EYA1: variants seen among roughly 807,000 people sequenced by gnomAD.
The protein encoded by EYA1 is EYA transcriptional coactivator and phosphatase 1, also known as protein phosphatase EYA1.
A neutral mutation model predicts 82.0 loss-of-function variants in EYA1; 16 were observed. That is an observed-to-expected ratio of 0.20 (90% CI 0.13 to 0.30). The LOEUF (loss-of-function observed/expected upper bound fraction) is 0.30, where lower values mean the gene tolerates loss of function less well. Among genes scored for constraint, EYA1 ranks in the 10% least tolerant of loss-of-function variants. EYA1 has a pLI of 1.00. For missense variants in EYA1, 633 were observed against 730.7 expected (o/e 0.87, Z 1.54); for synonymous variants, 261 against 264.4 (o/e 0.99, Z 0.12).
At chr8:71,451,152 A>G (rs1339022821) in intron 2 of EYA1, among the ~76,000 whole-genome samples, 1 of 152,232 alleles carries the variant, frequency 6.6e-6, no homozygotes, top group African/African-American at 2.4e-5. Context: ...ATTGTCCTGG[A>G]AAATGATTTG....
intron 2 of EYA1, among the ~76,000 whole-genome samples, chr8:71,392,437 G>T (rs1829332805): frequency 6.6e-6 from 1 of 152,096 alleles, no homozygotes. Context: ...TCCTATATAA[G>T]TTGCTTCATC....
At chr8:71,472,811 A>ATATATATATATATC (rs988307541) in intron 2 of EYA1, among the ~76,000 whole-genome samples, 1 of 147,818 alleles carries the variant, frequency 6.8e-6, no homozygotes, top group Admixed American at 6.8e-5. Flanking sequence ...ATATATATAT[A>ATATATATATATATC]TATCTGTCAG....
intron 9 of EYA1, among the ~76,000 whole-genome samples, chr8:71,279,162 G>T (rs964990464): frequency 7.9e-5 from 12 of 152,188 alleles, no homozygotes; most frequent in African/African-American, 2.9e-4. Flanking sequence ...GTGAACATGA[G>T]ACAGGCTAAT....
chr8:71,507,516 T>G (rs1426137527), intron 2 of EYA1, among the ~76,000 whole-genome samples: 2 of 152,166 alleles, frequency 1.3e-5, no homozygotes, highest in Non-Finnish European at 2.9e-5. Flanking sequence ...GCAATCTCAC[T>G]CCTAGGAATT....
At chr8:71,209,997 T>A (rs1443121531) in intron 17 of EYA1, among the ~76,000 whole-genome samples, 1 of 152,212 alleles carries the variant, frequency 6.6e-6, no homozygotes, top group African/African-American at 2.4e-5. Context: ...ACTTTACACA[T>A]ATCTATATTA....
chr8:71,347,761 T>A (rs964733999), intron 3 of EYA1, among the ~76,000 whole-genome samples: 1 of 152,078 alleles, frequency 6.6e-6, no homozygotes, highest in African/African-American at 2.4e-5. Context: ...TTTTGACTCA[T>A]GTTACAATGT....
In EYA1 at chr8:71,334,102, C is replaced by A. The variant is rs149289196; in HGVS notation, c.197G>T (p.Gly66Val). 6.1e-5 allele frequency: 99 copies of A among 1,611,796 alleles called. No homozygotes were observed. Among genetic ancestry groups the A allele is most frequent in the Non-Finnish European group, 8.1e-5 (95 of 1,178,218 alleles). ...ATCTAATATTTATTCCTTACCTGAA[C>A]CTGAGAAATTGTTTAAAGACCCGTC... is the stretch of plus-strand genomic sequence containing the variant. The part of the protein sequence containing the change: ...TADGSLNNFS[G>V]SAIGSSSFSP... The change falls in exon 4 of 18, where the codon GGT becomes GTT. Residue 66 changes from glycine (G) to valine (V), a missense_variant. Physicochemically the swap from Gly to Val is moderately radical, Grantham distance 109. Coordinates refer to ENST00000340726, the MANE Select transcript of EYA1 (RefSeq NM_000503.6).
chr8:71,456,580 CA>C (rs1340464071), intron 2 of EYA1, among the ~76,000 whole-genome samples: 1 of 151,910 alleles, frequency 6.6e-6, no homozygotes, highest in Non-Finnish European at 1.5e-5. Flanking sequence ...TGGAACAGAA[CA>C]GAGCCCTCAG....
At chr8:71,381,309 A>G (rs189769262) in intron 2 of EYA1, among the ~76,000 whole-genome samples, 108 of 152,352 alleles carry the variant, frequency 7.1e-4, no homozygotes, top group African/African-American at 2.5e-3. Context: ...GGGCCATGGT[A>G]ATACTTTCAG....
intron 9 of EYA1, among the ~76,000 whole-genome samples, chr8:71,284,458 C>G (rs1170649707): frequency 6.6e-6 from 1 of 152,166 alleles, no homozygotes; most frequent in Non-Finnish European, 1.5e-5. Context: ...TCCAGAGCAG[C>G]CTTGATAGCT....
At chr8:71,407,852 G>A (rs1830349012) in intron 2 of EYA1, among the ~76,000 whole-genome samples, 1 of 149,514 alleles carries the variant, frequency 6.7e-6, no homozygotes, top group Non-Finnish European at 1.5e-5. Context: ...CCAACGTTCA[G>A]ATTCAGGAAA....
chr8:71,389,210 TG>T (rs1323581730), intron 2 of EYA1, among the ~76,000 whole-genome samples: 1 of 152,168 alleles, frequency 6.6e-6, no homozygotes, highest in Non-Finnish European at 1.5e-5. Context: ...ATATTTTCAT[TG>T]TTTTTTTATT....
chr8:71,386,178 A>T (rs1828956229), intron 2 of EYA1, among the ~76,000 whole-genome samples: 1 of 152,108 alleles, frequency 6.6e-6, no homozygotes, highest in South Asian at 2.1e-4. Context: ...TGATTCTCTG[A>T]TTGTCAAAAC....
chr8:71,299,198 C>G lies in EYA1; in HGVS notation c.675G>C (p.Gln225His). ...GTGAGCTGTTATAATACTGTGCGTA[C>G]TGACCCTGGCCAAAACTGGGATAAG... ...YPSYPSFGQGQYAQYYNSSPY... is the reference protein window; with the variant it reads ...YPSYPSFGQGHYAQYYNSSPY... Residue 225 changes from glutamine to histidine, a missense_variant, in exon 9 of 18, where the codon CAG (glutamine) becomes CAC (histidine). Transcript: ENST00000340726. The G allele has an allele frequency of 6.2e-7, 1 of 1,614,160 alleles. No individual in the cohort carries two copies. The highest frequency in any genetic ancestry group is 8.5e-7 in the Non-Finnish European group (1 of 1,180,020).
At chr8:71,420,706 C>T (rs960740693) in intron 2 of EYA1, among the ~76,000 whole-genome samples, 1 of 152,126 alleles carries the variant, frequency 6.6e-6, no homozygotes, top group Admixed American at 6.5e-5. Flanking sequence ...TGCTTCAAGT[C>T]TCCAGAAGCA....
intron 2 of EYA1, among the ~76,000 whole-genome samples, chr8:71,434,340 T>TAGAATAAAGTATCTC (rs1337555234): frequency 6.6e-6 from 1 of 152,152 alleles, no homozygotes. Context: ...TCTTAATTGA[T>TAGAATAAAGTATCTC]AGAATAAAGT....
intron 2 of EYA1, 64 bp from the exon 3 acceptor site, chr8:71,354,973 C>T (rs962329734): frequency 2.6e-6 from 4 of 1,528,268 alleles, no homozygotes; most frequent in Middle Eastern, 1.7e-4. Context: ...ATTTAATGCG[C>T]TAATGACTTG....
At chr8:71,384,520 C>A (rs1828874160) in intron 2 of EYA1, among the ~76,000 whole-genome samples, 1 of 152,142 alleles carries the variant, frequency 6.6e-6, no homozygotes, top group Non-Finnish European at 1.5e-5. Context: ...AATATATCAC[C>A]CTGTGCTGTT....
At chr8:71,311,908 C>G (rs373661347) in intron 7 of EYA1, among the ~76,000 whole-genome samples, 4 of 152,182 alleles carry the variant, frequency 2.6e-5, no homozygotes, top group African/African-American at 9.7e-5. Flanking sequence ...TGGCATGTGT[C>G]AGATTCACAG....
Sources: allele counts gnomAD v4.1 joint callset (sites outside exome capture counted in the v4.1 genomes callset), GRCh38; gene constraint gnomAD v4.1.1; transcripts MANE v1.5; gene names NCBI Gene and HGNC (gene_info 2026-07-23, HGNC 2026-07-21).